The following SSBP3 variants were observed in gnomAD, a reference collection of about 807,000 sequenced individuals.
SSBP3 encodes single stranded DNA binding protein 3, also known as single-stranded DNA-binding protein 3.
In SSBP3, 5 loss-of-function variants were observed where a neutral mutation model predicts 69.6. The observed-to-expected ratio is 0.07, with a 90% CI of 0.04 to 0.15. The LOEUF (loss-of-function observed/expected upper bound fraction) is 0.15. SSBP3 is among the 10% of genes least tolerant of loss of function. The pLI is 1.00. For synonymous variants in SSBP3, 196 were observed against 193.4 expected, an observed-to-expected ratio of 1.01 and a Z score of -0.11; for missense variants, 312 against 534.0, an observed-to-expected ratio of 0.58 and a Z score of 4.10.
At chr1:54,380,891 C>T (rs186274721) in intron 4 of SSBP3, among the ~76,000 whole-genome samples, 3 of 151,496 alleles carry the variant, frequency 2.0e-5, no homozygotes, top group East Asian at 1.9e-4. Context: ...GAGGCTGAAG[C>T]GGGACAACTG....
chr1:54,234,576 C>T (rs1644453072), intron 14 of SSBP3, among the ~76,000 whole-genome samples: 1 of 151,780 alleles, frequency 6.6e-6, no homozygotes, highest in South Asian at 2.1e-4. Context: ...GTGACAGACA[C>T]CCTATCTCTA....
intron 4 of SSBP3, among the ~76,000 whole-genome samples, chr1:54,371,165 T>C (rs949950190): frequency 5.3e-5 from 8 of 152,246 alleles, no homozygotes; most frequent in African/African-American, 1.9e-4. Flanking sequence ...ATTATTTTCA[T>C]AGCCATATCA....
In SSBP3 at chr1:54,370,356, G is replaced by A. The variant is rs115574426; in HGVS notation, c.276+31505C>T. On this transcript the variant is annotated intron_variant, in intron 4 of 17. Transcript: ENST00000610401. ...CTCACCTTGCATGGCGATGCTATTC[G>A]ATTGATAATGGCTGACTAGAAGGCT... Among the ~76,000 whole-genome samples, 861 of 152,280 alleles carry A rather than the reference G, an allele frequency of 5.7e-3. 9 individuals carry two copies. Among genetic ancestry groups the A allele is most frequent in the African/African-American group, 0.02 (821 of 41,542 alleles).
intron 5 of SSBP3, among the ~76,000 whole-genome samples, chr1:54,278,794 GC>G (rs1440659251): frequency 6.6e-6 from 1 of 152,278 alleles, no homozygotes; most frequent in East Asian, 1.9e-4. Flanking sequence ...CCTTGGCCAA[GC>G]AGGGGAAGGA....
rs946961811 is a variant in SSBP3 at position 54,294,097 on chromosome 1, C to G, written c.277-12570G>C. Among the ~76,000 whole-genome samples, 24 of 137,498 alleles carry G rather than the reference C, an allele frequency of 1.7e-4. 1 individual carries two copies. Among genetic ancestry groups the G allele is most frequent in the African/African-American group, 6.8e-4 (24 of 35,454 alleles). The allele number at this position is 137,498 out of a possible 152,430, so 90.2% of individuals were successfully genotyped here. ...GGAGGTTGCAGCAGTGAGCCGAGAT[C>G]ACGCCACTGCACTCCAGCTGGGGTG... is the stretch of plus-strand genomic sequence containing the variant. On this transcript the variant is annotated intron_variant, in intron 4 of 17. Transcript: ENST00000610401.
chr1:54,232,666 C>T (rs1034123891), intron 14 of SSBP3, among the ~76,000 whole-genome samples: 1 of 151,956 alleles, frequency 6.6e-6, no homozygotes, highest in Non-Finnish European at 1.5e-5. Context: ...TGTACTGCTG[C>T]CATCTCAGCT....
At chr1:54,270,264 T>A (rs529183667) in intron 5 of SSBP3, among the ~76,000 whole-genome samples, 2 of 152,218 alleles carry the variant, frequency 1.3e-5, no homozygotes, top group Admixed American at 6.5e-5. Context: ...GCTCCCCAGG[T>A]CAGAGCTGGT....
chr1:54,227,759 T>C (rs982532242), intron 17 of SSBP3, among the ~76,000 whole-genome samples: 2 of 152,070 alleles, frequency 1.3e-5, no homozygotes, highest in Non-Finnish European at 2.9e-5. Flanking sequence ...TGTATTTTTA[T>C]GTAGAGATGA....
chr1:54,405,804 G>C (rs1649698537), intron 1 of SSBP3, 149 bp downstream of exon 1: 2 of 349,184 alleles, frequency 5.7e-6, no homozygotes, highest in African/African-American at 2.3e-5. Context: ...CCGCGGCCTC[G>C]GGGAAGGGGC....
At chr1:54,323,667 G>C (rs1435603580) in intron 4 of SSBP3, among the ~76,000 whole-genome samples, 1 of 152,188 alleles carries the variant, frequency 6.6e-6, no homozygotes, top group African/African-American at 2.4e-5. Context: ...GCTCAGCCTT[G>C]GATTGCAAAA....
intron 4 of SSBP3, among the ~76,000 whole-genome samples, chr1:54,338,581 G>C (rs1430353470): frequency 6.6e-6 from 1 of 152,080 alleles, no homozygotes; most frequent in African/African-American, 2.4e-5. Flanking sequence ...GCGTCCATTT[G>C]CCTTTACGGC....
intron 4 of SSBP3, among the ~76,000 whole-genome samples, chr1:54,401,178 A>G (rs1360699735): frequency 3.3e-5 from 5 of 152,352 alleles, no homozygotes; most frequent in South Asian, 4.1e-4. Context: ...AGATGAATAG[A>G]TGGCAGACAA....
exon 18 of SSBP3, chr1:54,226,646 CTT>C (rs750488906): frequency 1.2e-4 from 17 of 138,112 alleles, no homozygotes; most frequent in South Asian, 5.9e-4. Context: ...TCTGGTTTTC[CTT>C]TTTTTTTTTT....
At chr1:54,363,793 G>C (rs1307334420) in intron 4 of SSBP3, among the ~76,000 whole-genome samples, 3 of 152,220 alleles carry the variant, frequency 2.0e-5, no homozygotes, top group Non-Finnish European at 4.4e-5. Context: ...TTTTGTGGTA[G>C]AGACTTTCCT....
At chr1:54,373,076 C>T (rs1049661055) in intron 4 of SSBP3, among the ~76,000 whole-genome samples, 8 of 152,174 alleles carry the variant, frequency 5.3e-5, no homozygotes, top group African/African-American at 1.9e-4. Flanking sequence ...GTGCCTGGGC[C>T]CTCTTCCTGG....
In SSBP3 at chr1:54,245,375, C is replaced by A. The variant is rs991183505; in HGVS notation, c.652-2076G>T. Among the ~76,000 whole-genome samples the A allele has an allele frequency of 7.9e-5, 12 of 152,288 alleles. No homozygotes were observed. The South Asian group carries it at 2.5e-3, about 32-fold the overall frequency. ...TAGGATTTAAGCCTGGATCTGCCGG[C>A]CCCCCAGATTCTGTATGCTTAGCCA... On this transcript the variant is annotated intron_variant, in intron 9 of 17. Transcript: ENST00000610401.
chr1:54,233,335 G>T (rs1233381613), intron 14 of SSBP3, among the ~76,000 whole-genome samples: 1 of 146,818 alleles, frequency 6.8e-6, no homozygotes, highest in Non-Finnish European at 1.5e-5. Flanking sequence ...GGTGAGGAGC[G>T]TCTCTGCCCG....
chr1:54,403,991 G>A (rs894543186), intron 3 of SSBP3, among the ~76,000 whole-genome samples: 1 of 134,494 alleles, frequency 7.4e-6, no homozygotes, highest in South Asian at 2.8e-4. Context: ...AAGGTTCTGC[G>A]TAAAACAACA....
intron 4 of SSBP3, among the ~76,000 whole-genome samples, chr1:54,396,862 T>C (rs1418270518): frequency 1.3e-5 from 2 of 152,170 alleles, no homozygotes; most frequent in African/African-American, 2.4e-5. Context: ...ATTTGGGGTC[T>C]TGCCGCCACT....
Sources: gnomAD v4.1 joint callset for allele counts (sites outside exome capture counted in the v4.1 genomes callset) on GRCh38, gnomAD v4.1.1 for gene constraint, MANE v1.5 for transcripts, NCBI Gene and HGNC (gene_info 2026-07-23, HGNC 2026-07-21) for gene names.